HYCC1: variants seen among roughly 807,000 people sequenced by gnomAD.
The protein encoded by HYCC1 is hyccin PI4KA lipid kinase complex subunit 1.
At chr7:22,955,699 T>C in the HYCC1 span, among the ~76,000 whole-genome samples, 1 of 151,628 alleles carries the variant, frequency 6.6e-6, no homozygotes, top group Non-Finnish European at 1.5e-5. Flanking sequence ...AGCAATTAGA[T>C]TTGCTCTAGA....
the HYCC1 span, among the ~76,000 whole-genome samples, chr7:22,903,511 C>T: frequency 1.3e-5 from 2 of 152,076 alleles, no homozygotes; most frequent in African/African-American, 4.8e-5. Context: ...TCAAAATTGA[C>T]ACAAGAAGAA....
At chr7:22,930,533 T>C in the HYCC1 span, among the ~76,000 whole-genome samples, 98 of 152,162 alleles carry the variant, frequency 6.4e-4, 1 homozygote, top group South Asian at 0.011. Context: ...CCCTGGTGAA[T>C]TCTGCCAAAC....
chr7:22,954,271 T>A, the HYCC1 span, among the ~76,000 whole-genome samples: 1 of 150,980 alleles, frequency 6.6e-6, no homozygotes, highest in Non-Finnish European at 1.5e-5. Context: ...ACACCCATTA[T>A]AATTTTTCAG....
the HYCC1 span, chr7:22,984,074 C>T: frequency 2.3e-4 from 308 of 1,362,278 alleles, no homozygotes; most frequent in Admixed American, 4.8e-4. Flanking sequence ...ATACATTTTA[C>T]TTTTATGAAA....
the HYCC1 span, among the ~76,000 whole-genome samples, chr7:23,000,896 T>C: frequency 6.7e-6 from 1 of 148,910 alleles, no homozygotes; most frequent in East Asian, 2.0e-4. Context: ...AAAATTTAAC[T>C]AACTACTTGA....
At chr7:22,931,099 T>C in the HYCC1 span, among the ~76,000 whole-genome samples, 1 of 152,078 alleles carries the variant, frequency 6.6e-6, no homozygotes, top group East Asian at 1.9e-4. Context: ...CAAATGAAAT[T>C]AGTTAGGATG....
chr7:22,985,187 C>T, the HYCC1 span, among the ~76,000 whole-genome samples: 2 of 152,164 alleles, frequency 1.3e-5, no homozygotes, highest in Non-Finnish European at 2.9e-5. Flanking sequence ...TACATTATTC[C>T]TTATATGTCT....
chr7:22,979,321 G>C, the HYCC1 span, among the ~76,000 whole-genome samples: 1 of 152,170 alleles, frequency 6.6e-6, no homozygotes, highest in Non-Finnish European at 1.5e-5. Flanking sequence ...AGTCAAACTA[G>C]TCTTTCCTAT....
chr7:22,994,451 T>C, the HYCC1 span, among the ~76,000 whole-genome samples: 1 of 152,204 alleles, frequency 6.6e-6, no homozygotes, highest in Non-Finnish European at 1.5e-5. Context: ...AGTCTGTTTC[T>C]TGATCTAGGT....
At chr7:22,914,672 C>A in the HYCC1 span, among the ~76,000 whole-genome samples, 1 of 152,120 alleles carries the variant, frequency 6.6e-6, no homozygotes, top group African/African-American at 2.4e-5. Context: ...CAATGCAACT[C>A]GTCCCAAATC....
the HYCC1 span, among the ~76,000 whole-genome samples, chr7:22,921,639 C>T: frequency 2.0e-5 from 3 of 152,046 alleles, no homozygotes; most frequent in African/African-American, 7.2e-5. Flanking sequence ...CCACACGGCT[C>T]CCCACACCCA....
chr7:22,955,378 C>T, the HYCC1 span, among the ~76,000 whole-genome samples: 2 of 151,468 alleles, frequency 1.3e-5, no homozygotes, highest in Non-Finnish European at 3.0e-5. Flanking sequence ...TTAAAGTATA[C>T]CAAATGTTTT....
At chr7:22,975,847 G>C in the HYCC1 span, among the ~76,000 whole-genome samples, 1 of 152,136 alleles carries the variant, frequency 6.6e-6, no homozygotes, top group African/African-American at 2.4e-5. Flanking sequence ...CTCCCAGGTA[G>C]CTGGGACTAC....
chr7:23,003,139 G>A, the HYCC1 span, among the ~76,000 whole-genome samples: 2 of 152,054 alleles, frequency 1.3e-5, no homozygotes, highest in African/African-American at 4.8e-5. Flanking sequence ...ATTTTGGATG[G>A]GACACAATGC....
At chr7:22,976,400 G>A in the HYCC1 span, 1 of 876,580 alleles carries the variant, frequency 1.1e-6, no homozygotes, top group African/African-American at 1.7e-5. Context: ...GAGATACAAT[G>A]TTACAGAACA....
At chr7:22,945,679 A>G in the HYCC1 span, 1 of 1,613,744 alleles carries the variant, frequency 6.2e-7, no homozygotes, top group Non-Finnish European at 8.5e-7. Flanking sequence ...CTGAAACGTA[A>G]ATAAGCTTTT....
chr7:22,984,012 T>C, the HYCC1 span: 2 of 1,598,210 alleles, frequency 1.3e-6, no homozygotes, highest in Admixed American at 3.3e-5. Flanking sequence ...TTCAAATTTG[T>C]GGCATAATTT....
At chr7:22,976,246 C>G in the HYCC1 span, 14 of 1,613,080 alleles carry the variant, frequency 8.7e-6, no homozygotes, top group South Asian at 1.3e-4. Flanking sequence ...AAGAGAAACA[C>G]TGGGCATGTA....
chr7:22,908,191 T>C, the HYCC1 span, among the ~76,000 whole-genome samples: 1 of 152,216 alleles, frequency 6.6e-6, no homozygotes, highest in African/African-American at 2.4e-5. Context: ...CAAGGCATAG[T>C]TCCATACAAT....
Sources: gnomAD v4.1 joint callset for allele counts (sites outside exome capture counted in the v4.1 genomes callset) on GRCh38, gnomAD v4.1.1 for gene constraint, MANE v1.5 for transcripts, NCBI Gene and HGNC (gene_info 2026-07-23, HGNC 2026-07-21) for gene names.